Variants in CCDC33 observed in about 807,000 individuals in gnomAD.
The protein encoded by CCDC33 is coiled-coil domain-containing protein 33.
CCDC33 carries 94 observed loss-of-function variants against 91.9 expected under a neutral mutation model. The ratio of observed to expected loss-of-function variants is 1.02; its 90% CI spans 0.87 to 1.21. CCDC33 has a LOEUF of 1.21. Ranked by LOEUF, CCDC33 falls within the 50% of genes most tolerant of loss-of-function variation. The probability of loss-of-function intolerance (pLI) is 0.00; values close to 1 mark genes in which losing one functional copy is unlikely to be tolerated. For missense variants in CCDC33, 940 were observed against 935.5 expected (o/e 1.00, Z -0.06); for synonymous variants, 396 against 374.5 (o/e 1.06, Z -0.66).
At chr15:74,272,363 T>G (rs546363951) in intron 6 of CCDC33, among the ~76,000 whole-genome samples, 2 of 152,326 alleles carry the variant, frequency 1.3e-5, no homozygotes, top group South Asian at 4.1e-4. Flanking sequence ...GACCTCCTTT[T>G]GAGTCTGTTG....
chr15:74,229,018 G>A (rs1050995481), intron 2 of CCDC33, among the ~76,000 whole-genome samples: 4 of 152,122 alleles, frequency 2.6e-5, no homozygotes, highest in African/African-American at 9.7e-5. Flanking sequence ...ACTTGCTGGC[G>A]CATCCCGGCT....
chr15:74,281,893 G>A, intron 10 of CCDC33, 44 bp downstream of exon 10: 1 of 1,540,944 alleles, frequency 6.5e-7, no homozygotes, highest in Non-Finnish European at 9.0e-7. Context: ...GCAGGCACAT[G>A]TCAGTGAGAT....
chr15:74,233,583 C>A (rs1005439450), upstream of CCDC33, among the ~76,000 whole-genome samples: 2 of 152,176 alleles, frequency 1.3e-5, no homozygotes, highest in Non-Finnish European at 2.9e-5. Flanking sequence ...CAGTTCACAC[C>A]CCACCCCTTA....
At chr15:74,213,669 C>G (rs758537532), upstream of CCDC33, among the ~76,000 whole-genome samples, 1 of 152,178 alleles carries the variant, frequency 6.6e-6, no homozygotes, top group South Asian at 2.1e-4. Context: ...ATTTGTGTGA[C>G]GGAGGGAGAC....
chr15:74,227,476 AG>A (rs1424577057), intron 2 of CCDC33, among the ~76,000 whole-genome samples: 1 of 152,298 alleles, frequency 6.6e-6, no homozygotes, highest in East Asian at 1.9e-4. Flanking sequence ...CTGCCAAGAC[AG>A]GTTACTTGGT....
intron 3 of CCDC33, among the ~76,000 whole-genome samples, chr15:74,263,333 C>T (rs557219051): frequency 1.3e-5 from 2 of 152,162 alleles, no homozygotes; most frequent in South Asian, 4.1e-4. Flanking sequence ...CTGGCGATGT[C>T]TCTGATCTTA....
chr15:74,297,238 A>G (rs1345063365), intron 11 of CCDC33, among the ~76,000 whole-genome samples: 1 of 152,230 alleles, frequency 6.6e-6, no homozygotes, highest in Non-Finnish European at 1.5e-5. Flanking sequence ...CCTTGGGGAA[A>G]GAGCCCTTGG....
intron 2 of CCDC33, among the ~76,000 whole-genome samples, chr15:74,246,756 G>T (rs2075543414): frequency 6.6e-6 from 1 of 152,240 alleles, no homozygotes; most frequent in South Asian, 2.1e-4. Flanking sequence ...ATGGAGCACA[G>T]CACGGAGGTT....
At chr15:74,258,436 A>G (rs570341684) in intron 2 of CCDC33, among the ~76,000 whole-genome samples, 39 of 152,186 alleles carry the variant, frequency 2.6e-4, no homozygotes, top group African/African-American at 8.9e-4. Flanking sequence ...GGTCTTGACT[A>G]TTGTTCATGA....
chr15:74,209,574 G>A (rs756564766), intron 2 of CCDC33: 60 of 763,768 alleles, frequency 7.9e-5, no homozygotes, highest in Non-Finnish European at 1.0e-4. Context: ...AGGCCCCCTC[G>A]GAGCTTTCTC....
intron 11 of CCDC33, among the ~76,000 whole-genome samples, chr15:74,297,024 C>T (rs2059701621): frequency 6.6e-6 from 1 of 152,226 alleles, no homozygotes; most frequent in Non-Finnish European, 1.5e-5. Context: ...ACCTCCTCCA[C>T]CAACAGCCTC....
chr15:74,336,048 A>G lies in CCDC33; in HGVS notation c.2263A>G (p.Thr755Ala). 6.2e-7 allele frequency: 1 copy of G among 1,613,752 alleles called. No homozygotes were observed. The highest frequency in any genetic ancestry group is 1.7e-5 in the Admixed American group (1 of 60,028). ...PQKETANSQQ[T>A] ...GAAGGAGACCGCTAACTCTCAGCAG[A>G]CCTGAGCCCCAGAGCAGGCCTCCTT... The change falls in exon 19 of 19, where the codon ACC becomes GCC. Residue 755 changes from threonine (T) to alanine (A), a missense_variant. Transcript: ENST00000398814.
intron 2 of CCDC33, among the ~76,000 whole-genome samples, chr15:74,228,605 T>C (rs2074871280): frequency 6.6e-6 from 1 of 152,182 alleles, no homozygotes; most frequent in Non-Finnish European, 1.5e-5. Context: ...CCCCCACTCC[T>C]TACCCCACCC....
At chr15:74,301,505 G>C (rs1298384204) in intron 11 of CCDC33, 1 of 152,354 alleles carries the variant, frequency 6.6e-6, no homozygotes, top group Non-Finnish European at 1.5e-5. Context: ...GTGGCACAGA[G>C]TAGGCACACA....
intron 3 of CCDC33, among the ~76,000 whole-genome samples, chr15:74,262,844 A>G (rs2076064075): frequency 6.6e-6 from 1 of 152,166 alleles, no homozygotes; most frequent in African/African-American, 2.4e-5. Flanking sequence ...CATGGCTGTT[A>G]TTAGCGCTGT....
rs2074466956 is a variant in CCDC33, at chr15:74,217,222, G to A, written c.-50G>A. On this transcript the variant is annotated 5_prime_UTR_variant, in exon 1 of 3. Coordinates refer to the CCDC33 transcript ENST00000635913. ...TTTCAGACTGGGTCCAGGCTGGGCTGTGGGTGAGAGGGTGCAGTGCTCAGC... is the reference window on the plus strand; with the variant it reads ...TTTCAGACTGGGTCCAGGCTGGGCTATGGGTGAGAGGGTGCAGTGCTCAGC... 3.3e-6 allele frequency: 4 copies of A among 1,204,020 alleles called. No homozygotes were observed. In the East Asian group the frequency reaches 1.7e-4, roughly 53 times the overall value. The allele number at this position is 1,204,020 out of a possible 1,614,324, so 74.6% of individuals were successfully genotyped here.
At chr15:74,211,231 G>A (rs900251212) in intron 2 of CCDC33, among the ~76,000 whole-genome samples, 8 of 151,670 alleles carry the variant, frequency 5.3e-5, no homozygotes, top group Non-Finnish European at 7.4e-5. Context: ...CTTGGACTCC[G>A]TTTCATTCTA....
chr15:74,232,899 T>C (rs1289865092), upstream of CCDC33, among the ~76,000 whole-genome samples: 1 of 152,188 alleles, frequency 6.6e-6, no homozygotes, highest in African/African-American at 2.4e-5. Context: ...GAAGTCTGCA[T>C]GTCTCCACCA....
At chr15:74,236,763 T>C (rs1463380554) in intron 1 of CCDC33, 23 bp downstream of exon 1, 2 of 1,612,534 alleles carry the variant, frequency 1.2e-6, no homozygotes, top group Non-Finnish European at 1.7e-6. Context: ...GCATGGGCCA[T>C]GCACCTGCAT....
Sources: gnomAD v4.1 joint callset for allele counts (sites outside exome capture counted in the v4.1 genomes callset) on GRCh38, gnomAD v4.1.1 for gene constraint, MANE v1.5 for transcripts, NCBI Gene and HGNC (gene_info 2026-07-23, HGNC 2026-07-21) for gene names.